OSBPL8: variants seen among roughly 807,000 people sequenced by gnomAD.
OSBPL8 encodes oxysterol binding protein like 8, also known as oxysterol-binding protein-related protein 8.
OSBPL8 carries 59 observed loss-of-function variants against 125.5 expected under a neutral mutation model. That is an observed-to-expected ratio of 0.47 (90% CI 0.38 to 0.58). The LOEUF (loss-of-function observed/expected upper bound fraction) is 0.58, where lower values mean the gene tolerates loss of function less well. Ranked by LOEUF, OSBPL8 falls within the 20% of genes least tolerant of loss-of-function variation. The probability of loss-of-function intolerance (pLI) is 0.00; values close to 1 mark genes in which losing one functional copy is unlikely to be tolerated. For missense variants in OSBPL8, 758 were observed against 1,047.8 expected (o/e 0.72, Z 3.82); for synonymous variants, 330 against 338.9 (o/e 0.97, Z 0.29).
chr12:76,411,462 A>G (rs1317987929), intron 4 of OSBPL8, among the ~76,000 whole-genome samples: 1 of 152,082 alleles, frequency 6.6e-6, no homozygotes, highest in Admixed American at 6.6e-5. Context: ...ATGTATAATC[A>G]TTCATAAAGC....
intron 12 of OSBPL8, among the ~76,000 whole-genome samples, chr12:76,387,171 T>A (rs1953349745): frequency 6.6e-6 from 1 of 152,156 alleles, no homozygotes; most frequent in African/African-American, 2.4e-5. Context: ...TTAGAGGAGA[T>A]CAATGGTAAA....
intron 21 of OSBPL8, among the ~76,000 whole-genome samples, chr12:76,359,496 T>C (rs1007024552): frequency 2.0e-5 from 3 of 152,234 alleles, no homozygotes; most frequent in Non-Finnish European, 4.4e-5. Flanking sequence ...AATAGATTTG[T>C]AATTTTGGTG....
chr12:76,357,132 G>GACAC (rs901008354), intron 22 of OSBPL8, among the ~76,000 whole-genome samples: 1 of 151,720 alleles, frequency 6.6e-6, no homozygotes, highest in African/African-American at 2.4e-5. Context: ...AATCCCTTTC[G>GACAC]ACACCACTTC....
At chr12:76,392,278 G>A (rs1043419959) in intron 10 of OSBPL8, among the ~76,000 whole-genome samples, 18 of 152,298 alleles carry the variant, frequency 1.2e-4, no homozygotes, top group African/African-American at 3.6e-4. Flanking sequence ...GGAGAAAAGC[G>A]TAAGGAGGAG....
chr12:76,551,928 C>T (rs1468066373), intron 1 of OSBPL8, among the ~76,000 whole-genome samples: 1 of 152,174 alleles, frequency 6.6e-6, no homozygotes, highest in Non-Finnish European at 1.5e-5. Context: ...GTGGGTATTC[C>T]TATTTGGTAC....
intron 12 of OSBPL8, 96 bp downstream of exon 12, chr12:76,389,549 C>T: frequency 9.8e-7 from 1 of 1,024,966 alleles, no homozygotes; most frequent in Non-Finnish European, 1.4e-6. Context: ...TCATTAGAGC[C>T]TGATTTTGGA....
Position 76,389,696 on chromosome 12 carries a change from G to C in OSBPL8, c.1301C>G (p.Ser434Cys). ...GTAATCTGAAAGTTTATCCAGGAAA[G>C]AACGGGGTTCCAAAATAAATGTAGG... ...VLPTFILEPR[S>C]FLDKLSDYYY... Residue 434 changes from serine to cysteine, a missense_variant, in exon 12 of 24, where the codon TCT becomes TGT. Around this residue, in one of 3 missense-constraint regions of OSBPL8, gnomAD observed 572 missense variants for 762.0 expected, o/e 0.75. Transcript: ENST00000261183. 6.2e-7 allele frequency: 1 copy of C among 1,605,574 alleles called. No homozygotes were observed. Among genetic ancestry groups the C allele is most frequent in the Non-Finnish European group, 8.5e-7 (1 of 1,175,076 alleles).
intron 1 of OSBPL8, among the ~76,000 whole-genome samples, chr12:76,555,222 A>G (rs1192088575): frequency 6.6e-6 from 1 of 152,216 alleles, no homozygotes; most frequent in African/African-American, 2.4e-5. Context: ...TTACAGGCAA[A>G]GACAATTTCT....
At chr12:76,507,718 G>GCA in intron 1 of OSBPL8, among the ~76,000 whole-genome samples, 1 of 151,490 alleles carries the variant, frequency 6.6e-6, no homozygotes, top group East Asian at 1.9e-4. Flanking sequence ...AGCTACTCAG[G>GCA]AGGCTGAGGC....
chr12:76,470,661 T>G (rs1876027810), intron 2 of OSBPL8, among the ~76,000 whole-genome samples: 1 of 152,182 alleles, frequency 6.6e-6, no homozygotes, highest in South Asian at 2.1e-4. Context: ...AGATTTCTAT[T>G]CCATTTCTAA....
Position 76,392,636 on chromosome 12 carries a change from CAT to C in OSBPL8, c.872_873del (p.His291ArgfsTer10), listed in dbSNP as rs1953611908. The part of the protein sequence containing the change: ...HDLSVSSDST[H>X]VTFYGLLRAN... ...GCACGTAGTAAGCCATAGAAAGTCA[CAT>C]GTGTGCTATCTGATGAAACGCTCAG... On this transcript the variant is annotated frameshift_variant, in exon 10 of 24. Coordinates refer to ENST00000261183, the MANE Select transcript of OSBPL8 (RefSeq NM_020841.5). LOFTEE classifies it high-confidence loss of function. 6.2e-7 allele frequency: 1 copy of C among 1,613,940 alleles called. No individual in the cohort carries two copies. The highest frequency in any genetic ancestry group is 8.5e-7 in the Non-Finnish European group (1 of 1,179,920).
chr12:76,387,220 T>C (rs1953351731), intron 12 of OSBPL8, among the ~76,000 whole-genome samples: 1 of 152,190 alleles, frequency 6.6e-6, no homozygotes, highest in Admixed American at 6.6e-5. Context: ...AGGACATAGG[T>C]TGACGATAGC....
chr12:76,523,841 T>TA (rs1464679980), intron 1 of OSBPL8, among the ~76,000 whole-genome samples: 1 of 152,210 alleles, frequency 6.6e-6, no homozygotes, highest in Non-Finnish European at 1.5e-5. Context: ...GACATCCATG[T>TA]ACTCACTTCC....
intron 1 of OSBPL8, among the ~76,000 whole-genome samples, chr12:76,523,027 G>A (rs538515727): frequency 7.2e-5 from 11 of 152,106 alleles, no homozygotes; most frequent in African/African-American, 1.2e-4. Flanking sequence ...TTGTAGAGAC[G>A]GGGTCTTGCC....
chr12:76,450,416 A>T (rs1296868610), intron 4 of OSBPL8, among the ~76,000 whole-genome samples: 1 of 152,214 alleles, frequency 6.6e-6, no homozygotes, highest in African/African-American at 2.4e-5. Context: ...TGTAGTTCTT[A>T]ATAAAAATGT....
rs188995970 is a variant in OSBPL8 at position 76,375,143 on chromosome 12, T to C, written c.1827+130A>G. ...CTTGCCCTTATTCCTTAGATGCACT[T>C]ATCCTTGACATGACATAAATTGTGT... On this transcript the variant is annotated intron_variant, in intron 17 of 23. Transcript: ENST00000261183. 6.6e-6 allele frequency: 4 copies of C among 606,954 alleles called. No individual in the cohort carries two copies. In the Admixed American group the frequency reaches 9.2e-5, roughly 14 times the overall value. The allele number at this position is 606,954 out of a possible 1,614,324, so 37.6% of individuals were successfully genotyped here.
At chr12:76,540,660 A>G (rs1191993129) in intron 1 of OSBPL8, among the ~76,000 whole-genome samples, 1 of 151,776 alleles carries the variant, frequency 6.6e-6, no homozygotes, top group Non-Finnish European at 1.5e-5. Context: ...GCACACATTG[A>G]TATAATAATC....
intron 1 of OSBPL8, among the ~76,000 whole-genome samples, chr12:76,499,082 T>C (rs997481206): frequency 6.6e-6 from 1 of 152,056 alleles, no homozygotes; most frequent in Non-Finnish European, 1.5e-5. Flanking sequence ...GGGCATAATC[T>C]AATCATCCAC....
rs1270905611 is a variant in OSBPL8, at chr12:76,559,551, GGC to G, written c.-224_-223del. ...AGCTGGGGCGCGAGCCTGGACGAAG[GGC>G]GCTGCCCAGCGGCCGCGGAGGCACT... On this transcript the variant is annotated 5_prime_UTR_variant, in exon 1 of 24. Coordinates refer to ENST00000261183, the MANE Select transcript of OSBPL8 (RefSeq NM_020841.5). The G allele has an allele frequency of 2.0e-5, 3 of 152,222 alleles. No individual in the cohort carries two copies. Among genetic ancestry groups the G allele is most frequent in the African/African-American group, 4.8e-5 (2 of 41,452 alleles). 9.4% of individuals were successfully genotyped at this position (152,222 alleles called of 1,614,324 possible).
Sources: gnomAD v4.1 joint callset for allele counts (sites outside exome capture counted in the v4.1 genomes callset) on GRCh38, gnomAD v4.1.1 for gene constraint, gnomAD v4.1.1 regional missense constraint, MANE v1.5 for transcripts, NCBI Gene and HGNC (gene_info 2026-07-23, HGNC 2026-07-21) for gene names.